The following GRID2 variants were observed in gnomAD, a reference collection of about 807,000 sequenced individuals.
GRID2 encodes the protein glutamate ionotropic receptor delta type subunit 2.
Under a neutral mutation model 114.8 loss-of-function variants are expected in GRID2, and 33 were observed. The observed-to-expected ratio is 0.29, with a 90% confidence interval of 0.22 to 0.38. The LOEUF (loss-of-function observed/expected upper bound fraction) is 0.38. Ranked by LOEUF, GRID2 falls within the 10% of genes least tolerant of loss-of-function variation. GRID2 has a pLI of 1.00. For missense variants in GRID2, 1,184 were observed against 1,257.7 expected (o/e 0.94, Z 0.89); for synonymous variants, 505 against 449.9 (o/e 1.12, Z -1.55).
chr4:93,707,179 C>T (rs1296875856), intron 14 of GRID2, among the ~76,000 whole-genome samples: 1 of 151,914 alleles, frequency 6.6e-6, no homozygotes, highest in African/African-American at 2.4e-5. Context: ...TTTGTTGTGT[C>T]TTTGTCTAGC....
intron 8 of GRID2, among the ~76,000 whole-genome samples, chr4:93,379,647 G>A (rs951254066): frequency 2.0e-5 from 3 of 152,026 alleles, no homozygotes; most frequent in Non-Finnish European, 2.9e-5. Flanking sequence ...CTTATGAATG[G>A]TCGATTGCAT....
intron 2 of GRID2, among the ~76,000 whole-genome samples, chr4:92,658,591 C>A (rs1732359962): frequency 6.6e-6 from 1 of 151,594 alleles, no homozygotes; most frequent in Admixed American, 6.6e-5. Flanking sequence ...AGAAGACAGA[C>A]ATTTTCTTTT....
intron 14 of GRID2, among the ~76,000 whole-genome samples, chr4:93,645,829 A>T (rs1386464217): frequency 6.6e-6 from 1 of 152,194 alleles, no homozygotes; most frequent in African/African-American, 2.4e-5. Context: ...GACATTTCAA[A>T]TATATTCTAA....
At chr4:93,126,408 G>T (rs189932915) in intron 4 of GRID2, among the ~76,000 whole-genome samples, 1 of 151,750 alleles carries the variant, frequency 6.6e-6, no homozygotes, top group Admixed American at 6.6e-5. Flanking sequence ...AAGTTTCTTG[G>T]GCTTGGCACT....
At chr4:93,443,624 A>C (rs533027618) in intron 10 of GRID2, among the ~76,000 whole-genome samples, 1 of 151,938 alleles carries the variant, frequency 6.6e-6, no homozygotes, top group Admixed American at 6.6e-5. Context: ...GAAAGTGGTG[A>C]TACATCATGA....
intron 14 of GRID2, among the ~76,000 whole-genome samples, chr4:93,749,488 A>C (rs571406222): frequency 6.6e-5 from 10 of 151,980 alleles, no homozygotes; most frequent in Non-Finnish European, 1.2e-4. Context: ...CCCCTTTTTC[A>C]CTCTTTGATT....
intron 8 of GRID2, among the ~76,000 whole-genome samples, chr4:93,261,814 T>C (rs2149550534): frequency 6.6e-6 from 1 of 151,850 alleles, no homozygotes; most frequent in East Asian, 1.9e-4. Flanking sequence ...ATTTTAGGCT[T>C]TGTGGGCCAT....
At chr4:93,536,226 C>T (rs372919226) in intron 13 of GRID2, among the ~76,000 whole-genome samples, 3 of 151,772 alleles carry the variant, frequency 2.0e-5, no homozygotes, top group Non-Finnish European at 2.9e-5. Flanking sequence ...AATGAAACTA[C>T]GAAAGACTAC....
intron 10 of GRID2, among the ~76,000 whole-genome samples, chr4:93,423,330 TTC>T (rs1768496310): frequency 7.1e-6 from 1 of 141,464 alleles, no homozygotes. Context: ...ACTATTTTTT[TTC>T]TTTCTTTTTT....
At chr4:93,285,006 T>G (rs931984036) in intron 8 of GRID2, among the ~76,000 whole-genome samples, 3 of 152,000 alleles carry the variant, frequency 2.0e-5, no homozygotes, top group Non-Finnish European at 4.4e-5. Flanking sequence ...ATGTTGGAAT[T>G]TTTTAATTTT....
At chr4:92,622,450 T>G (rs1338579094) in intron 2 of GRID2, among the ~76,000 whole-genome samples, 1 of 151,834 alleles carries the variant, frequency 6.6e-6, no homozygotes, top group Admixed American at 6.6e-5. Flanking sequence ...TAGGAGGATA[T>G]TTTAAGAGAT....
intron 8 of GRID2, among the ~76,000 whole-genome samples, chr4:93,327,136 C>T (rs1345290419): frequency 1.3e-5 from 2 of 152,090 alleles, no homozygotes; most frequent in East Asian, 1.9e-4. Flanking sequence ...TGGTCTTATT[C>T]AGTATGGTTT....
chr4:93,274,778 C>G (rs1751866215), intron 8 of GRID2, among the ~76,000 whole-genome samples: 1 of 151,992 alleles, frequency 6.6e-6, no homozygotes, highest in Non-Finnish European at 1.5e-5. Context: ...TATAATTTAG[C>G]TTTTCAGAAA....
At position 92,547,351 on chromosome 4, in the gene GRID2, G is replaced by A. The variant is rs542263278; in HGVS notation, c.89-42780G>A. On this transcript the variant is annotated intron_variant, in intron 1 of 15. Coordinates refer to ENST00000282020, the MANE Select transcript of GRID2 (RefSeq NM_001510.4). ...CTTGTATTGAATATTTACAGGCACA[G>A]TTCAGGTACTATACTGAAAATATAT... is the stretch of plus-strand genomic sequence containing the variant. Among the ~76,000 whole-genome samples, 13 of 152,246 alleles carry A rather than the reference G, an allele frequency of 8.5e-5. 1 individual carries two copies. The East Asian group carries it at 2.1e-3, about 25-fold the overall frequency.
chr4:93,598,599 C>A (rs1237095139), intron 13 of GRID2, among the ~76,000 whole-genome samples: 1 of 152,126 alleles, frequency 6.6e-6, no homozygotes, highest in Non-Finnish European at 1.5e-5. Flanking sequence ...AGATTTAACC[C>A]AGTTTTAAGA....
chr4:93,702,362 T>G (rs1178218966), intron 14 of GRID2, among the ~76,000 whole-genome samples: 2 of 152,144 alleles, frequency 1.3e-5, no homozygotes, highest in Non-Finnish European at 2.9e-5. Flanking sequence ...GCAATTCGTC[T>G]TTTTCTCTAA....
At position 93,448,783 on chromosome 4, in the gene GRID2, G is replaced by GCCCTC. The variant is rs1269334549; in HGVS notation, c.1546-6874_1546-6870dup. ...CTTAAAGGCGTAATTAGTAGTCTTGGCCCTCCCCTTCCCTTCCCTTCCCTT... is the reference window on the plus strand; with the variant it reads ...CTTAAAGGCGTAATTAGTAGTCTTGGCCCTCCCCTCCCCTTCCCTTCCCTTCCCTT... On this transcript the variant is annotated intron_variant, in intron 10 of 15. Transcript: ENST00000282020. Among the ~76,000 whole-genome samples the GCCCTC allele has an allele frequency of 9.4e-4, 123 of 131,250 alleles. 3 individuals carry two copies. Among genetic ancestry groups the GCCCTC allele is most frequent in the African/African-American group, 3.4e-3 (116 of 34,286 alleles). The allele number at this position is 131,250 out of a possible 152,430, so 86.1% of individuals were successfully genotyped here.
chr4:93,523,713 T>G (rs1730557427), intron 13 of GRID2, among the ~76,000 whole-genome samples: 1 of 152,088 alleles, frequency 6.6e-6, no homozygotes, highest in Non-Finnish European at 1.5e-5. Flanking sequence ...TCCCTGACAG[T>G]GGCAGTGGAA....
At chr4:93,023,500 C>T (rs1035063266) in intron 2 of GRID2, among the ~76,000 whole-genome samples, 2 of 151,750 alleles carry the variant, frequency 1.3e-5, no homozygotes, top group South Asian at 2.1e-4. Context: ...TGACAGCACA[C>T]AGGAAATTCT....
Sources: gnomAD v4.1 joint callset for allele counts (sites outside exome capture counted in the v4.1 genomes callset) on GRCh38, gnomAD v4.1.1 for gene constraint, MANE v1.5 for transcripts, NCBI Gene and HGNC (gene_info 2026-07-23, HGNC 2026-07-21) for gene names.